GBE1: variants seen among roughly 807,000 people sequenced by gnomAD.
GBE1 encodes 1,4-alpha-glucan branching enzyme 1, also known as 1,4-alpha-glucan-branching enzyme.
Under a neutral mutation model 88.8 loss-of-function variants are expected in GBE1, and 70 were observed. The observed-to-expected ratio is 0.79, with a 90% CI of 0.65 to 0.96. The LOEUF (loss-of-function observed/expected upper bound fraction) is 0.96, where lower values mean the gene tolerates loss of function less well. Ranked by LOEUF, GBE1 falls within the 40% of genes least tolerant of loss-of-function variation. The pLI is 0.00. For synonymous variants in GBE1, 284 were observed against 300.1 expected, an observed-to-expected ratio of 0.95 and a Z score of 0.56; for missense variants, 872 against 871.0, an observed-to-expected ratio of 1.00 and a Z score of -0.01.
At chr3:81,615,100 T>C (rs1422573550) in intron 7 of GBE1, among the ~76,000 whole-genome samples, 2 of 152,234 alleles carry the variant, frequency 1.3e-5, no homozygotes, top group Non-Finnish European at 2.9e-5. Context: ...CAATAGGTTT[T>C]TGAAAATGAA....
chr3:81,548,386 C>A (rs1331978172), intron 12 of GBE1, among the ~76,000 whole-genome samples: 1 of 151,216 alleles, frequency 6.6e-6, no homozygotes, highest in Admixed American at 6.6e-5. Context: ...TTATTTGGTA[C>A]AAAAATCATA....
chr3:81,591,941 A>G (rs1289858816), intron 8 of GBE1, among the ~76,000 whole-genome samples: 1 of 152,116 alleles, frequency 6.6e-6, no homozygotes, highest in East Asian at 1.9e-4. Flanking sequence ...TTTCATGTTT[A>G]TATTTCAGCA....
intron 7 of GBE1, among the ~76,000 whole-genome samples, chr3:81,619,212 T>G (rs1704291777): frequency 6.6e-6 from 1 of 152,192 alleles, no homozygotes; most frequent in South Asian, 2.1e-4. Flanking sequence ...AAACTATGCA[T>G]GTAGTATTCA....
At chr3:81,747,690 A>T (rs1706435924) in intron 1 of GBE1, among the ~76,000 whole-genome samples, 1 of 152,136 alleles carries the variant, frequency 6.6e-6, no homozygotes. Context: ...ACATTCCACC[A>T]TTGTGATTTG....
chr3:81,750,551 GTATATA>G lies in GBE1; in HGVS notation c.143+10818_143+10823del. 5.7e-5 allele frequency among the ~76,000 whole-genome samples: 3 copies of G among 52,326 alleles called. 1 individual carries two copies. Among genetic ancestry groups the G allele is most frequent in the African/African-American group, 3.4e-4 (3 of 8,712 alleles). 34.3% of individuals were successfully genotyped at this position (52,326 alleles called of 152,430 possible). ...TATATATATATACGTATATATATAT[GTATATA>G]TATATGTATATATATATACGTATAT... On this transcript the variant is annotated intron_variant, in intron 1 of 15. Coordinates refer to ENST00000429644, the MANE Select transcript of GBE1 (RefSeq NM_000158.4).
At chr3:81,597,756 G>A (rs1473285188) in intron 7 of GBE1, among the ~76,000 whole-genome samples, 1 of 151,554 alleles carries the variant, frequency 6.6e-6, no homozygotes, top group Non-Finnish European at 1.5e-5. Context: ...TAAGTCAAAG[G>A]TGCCTAATAT....
chr3:81,570,946 A>C (rs919334306), intron 12 of GBE1, among the ~76,000 whole-genome samples: 3 of 152,236 alleles, frequency 2.0e-5, no homozygotes, highest in Non-Finnish European at 4.4e-5. Context: ...CCCTATATAA[A>C]AGATAATGAT....
intron 12 of GBE1, among the ~76,000 whole-genome samples, chr3:81,572,708 C>T (rs905454202): frequency 1.3e-5 from 2 of 152,056 alleles, no homozygotes; most frequent in African/African-American, 4.8e-5. Context: ...TATTTGGTTT[C>T]TTCTCTTGTT....
At chr3:81,747,164 G>A (rs1472612070) in intron 1 of GBE1, among the ~76,000 whole-genome samples, 3 of 151,956 alleles carry the variant, frequency 2.0e-5, no homozygotes, top group Admixed American at 2.0e-4. Context: ...AAATGTTCAG[G>A]TCCTAGAGCT....
chr3:81,698,007 A>G (rs1705626293), intron 2 of GBE1, among the ~76,000 whole-genome samples: 1 of 148,016 alleles, frequency 6.8e-6, no homozygotes, highest in Admixed American at 6.8e-5. Flanking sequence ...ATAATATATT[A>G]GGTGTTATAT....
intron 7 of GBE1, among the ~76,000 whole-genome samples, chr3:81,618,038 GCA>G (rs1399118013): frequency 6.6e-6 from 1 of 151,928 alleles, no homozygotes; most frequent in Non-Finnish European, 1.5e-5. Context: ...TTTGATGTCT[GCA>G]CAGTGACATA....
At chr3:81,535,444 C>A in intron 13 of GBE1, 119 bp from the exon 14 acceptor site, 1 of 949,660 alleles carries the variant, frequency 1.1e-6, no homozygotes, top group Non-Finnish European at 1.5e-6. Context: ...TTTCAGAACA[C>A]TATATTTTTT....
chr3:81,634,593 G>T (rs1704566086), intron 7 of GBE1, among the ~76,000 whole-genome samples: 1 of 152,028 alleles, frequency 6.6e-6, no homozygotes, highest in African/African-American at 2.4e-5. Context: ...AAAAGTTTAT[G>T]ACAGAGACTT....
At chr3:81,503,264 T>C (rs551576889) in intron 14 of GBE1, among the ~76,000 whole-genome samples, 1 of 152,034 alleles carries the variant, frequency 6.6e-6, no homozygotes, top group South Asian at 2.1e-4. Flanking sequence ...TGAACATGCG[T>C]AAATAGAGCA....
chr3:81,521,895 T>G (rs1702879132), intron 14 of GBE1, among the ~76,000 whole-genome samples: 1 of 151,354 alleles, frequency 6.6e-6, no homozygotes, highest in Admixed American at 6.6e-5. Flanking sequence ...AAATACAATG[T>G]GAAAGGAAAA....
chr3:81,612,287 G>T, intron 7 of GBE1: 1 of 781,736 alleles, frequency 1.3e-6, no homozygotes, highest in Non-Finnish European at 2.0e-6. Context: ...CTTCCTGCTG[G>T]CTTTATTCTG....
At chr3:81,559,138 T>A (rs2106906804) in intron 12 of GBE1, among the ~76,000 whole-genome samples, 1 of 152,174 alleles carries the variant, frequency 6.6e-6, no homozygotes, top group Non-Finnish European at 1.5e-5. Context: ...GAATAAGTAT[T>A]CTCAATGCCA....
rs936746331 is a variant in GBE1, at chr3:81,654,820, A to G, written c.430-4899T>C. The stretch of plus-strand genomic sequence containing the variant: ...AAAATTTCAGCTTTATTGAGTTATA[A>G]TTAACAAAAATTGTATATATTCAAG... On this transcript the variant is annotated intron_variant, in intron 3 of 15. Transcript: ENST00000429644. 19 of 152,350 alleles carry G rather than the reference A, an allele frequency of 1.2e-4. No homozygotes were observed. In the South Asian group the frequency reaches 2.7e-3, roughly 22 times the overall value. 9.4% of individuals were successfully genotyped at this position (152,350 alleles called of 1,614,324 possible). A position where few individuals can be genotyped will look rare whatever the true frequency, so the allele number is the denominator to read the frequency against.
chr3:81,709,048 G>T (rs1705815513), intron 1 of GBE1, among the ~76,000 whole-genome samples: 1 of 152,180 alleles, frequency 6.6e-6, no homozygotes, highest in African/African-American at 2.4e-5. Context: ...GAAAGAAACT[G>T]TTGAGATGGA....
Sources: gnomAD v4.1 joint callset for allele counts (sites outside exome capture counted in the v4.1 genomes callset) on GRCh38, gnomAD v4.1.1 for gene constraint, MANE v1.5 for transcripts, NCBI Gene and HGNC (gene_info 2026-07-23, HGNC 2026-07-21) for gene names.